CYP39A1: variants seen among roughly 807,000 people sequenced by gnomAD.
The protein encoded by CYP39A1 is 24-hydroxycholesterol 7-alpha-hydroxylase.
A neutral mutation model predicts 58.1 loss-of-function variants in CYP39A1; 49 were observed. The ratio of observed to expected loss-of-function variants is 0.84; its 90% confidence interval spans 0.67 to 1.07. CYP39A1 has a LOEUF of 1.07. Ranked by LOEUF, CYP39A1 falls within the 50% of genes least tolerant of loss-of-function variation. The pLI is 0.00. For missense variants in CYP39A1, 531 were observed against 539.4 expected (o/e 0.98, Z 0.16); for synonymous variants, 209 against 187.6 (o/e 1.11, Z -0.93).
intron 7 of CYP39A1, among the ~76,000 whole-genome samples, chr6:46,618,329 A>G (rs377363743): frequency 6.6e-6 from 1 of 152,130 alleles, no homozygotes; most frequent in Non-Finnish European, 1.5e-5. Context: ...CTGGATTTCA[A>G]CTCAGGCAGT....
intron 10 of CYP39A1, among the ~76,000 whole-genome samples, chr6:46,582,201 T>G (rs1407260539): frequency 6.6e-6 from 1 of 152,204 alleles, no homozygotes; most frequent in Non-Finnish European, 1.5e-5. Context: ...TGGAACAAAT[T>G]CCTCAGAATA....
chr6:46,586,350 A>G, intron 10 of CYP39A1: 1 of 984,542 alleles, frequency 1.0e-6, no homozygotes, highest in South Asian at 4.7e-5. Flanking sequence ...CATTTCCCCT[A>G]CAGAATCATC....
intron 1 of CYP39A1, among the ~76,000 whole-genome samples, chr6:46,651,554 T>C (rs1762690508): frequency 6.6e-6 from 1 of 152,186 alleles, no homozygotes; most frequent in African/African-American, 2.4e-5. Flanking sequence ...CTGGGTTATT[T>C]TTATTTTCAT....
intron 10 of CYP39A1, among the ~76,000 whole-genome samples, chr6:46,568,125 G>A (rs911322695): frequency 1.3e-5 from 2 of 152,050 alleles, no homozygotes; most frequent in Non-Finnish European, 2.9e-5. Context: ...GTATTTCAAT[G>A]GAGTTTTGAT....
chr6:46,650,317 C>T (rs1159887108), intron 1 of CYP39A1, among the ~76,000 whole-genome samples: 1 of 151,328 alleles, frequency 6.6e-6, no homozygotes, highest in African/African-American at 2.4e-5. Context: ...TGTGAGCCTT[C>T]CTGCATGAAG....
intron 5 of CYP39A1, among the ~76,000 whole-genome samples, chr6:46,633,736 A>G (rs574082337): frequency 2.4e-4 from 37 of 152,232 alleles, no homozygotes; most frequent in South Asian, 2.3e-3. Flanking sequence ...ATGTGCCTGT[A>G]GTCCCAGCTA....
At chr6:46,563,742 G>A (rs1771105664) in intron 10 of CYP39A1, among the ~76,000 whole-genome samples, 1 of 152,168 alleles carries the variant, frequency 6.6e-6, no homozygotes, top group East Asian at 1.9e-4. Flanking sequence ...TAGACTTGTT[G>A]AGTGAGAGCA....
intron 10 of CYP39A1, among the ~76,000 whole-genome samples, chr6:46,554,545 A>G (rs1770570896): frequency 6.6e-6 from 1 of 152,236 alleles, no homozygotes; most frequent in African/African-American, 2.4e-5. Flanking sequence ...ATACTCATTT[A>G]TTTTAAATTA....
intron 5 of CYP39A1, among the ~76,000 whole-genome samples, chr6:46,632,142 G>C (rs1314948162): frequency 6.6e-6 from 1 of 151,898 alleles, no homozygotes; most frequent in Admixed American, 6.6e-5. Flanking sequence ...CTTGAGAATA[G>C]AGCATGGCAA....
chr6:46,635,943 GAA>G (rs1424338474), intron 5 of CYP39A1, among the ~76,000 whole-genome samples: 6 of 152,142 alleles, frequency 3.9e-5, no homozygotes, highest in African/African-American at 1.4e-4. Flanking sequence ...CACAGATCTG[GAA>G]TAACGCTTAG....
At chr6:46,636,153 G>T (rs1417318122) in intron 5 of CYP39A1, among the ~76,000 whole-genome samples, 8 of 152,070 alleles carry the variant, frequency 5.3e-5, no homozygotes. Flanking sequence ...CGGAACATCG[G>T]AATTGTATTT....
At position 46,618,452 on chromosome 6, in the gene CYP39A1, C is replaced by A. The variant is rs1582412910; in HGVS notation, c.931+6966G>T. ...AAAGACTAATTTCTAGGAATTATACCCCAAAATTTGATAACAAAGCAAAAA... is the reference window on the plus strand; with the variant it reads ...AAAGACTAATTTCTAGGAATTATACACCAAAATTTGATAACAAAGCAAAAA... On this transcript the variant is annotated intron_variant, in intron 7 of 11. Coordinates refer to ENST00000275016, the MANE Select transcript of CYP39A1 (RefSeq NM_016593.5). 4.6e-5 allele frequency among the ~76,000 whole-genome samples: 7 copies of A among 151,916 alleles called. No homozygotes were observed. The Middle Eastern group carries it at 0.02, about 443-fold the overall frequency.
intron 7 of CYP39A1, among the ~76,000 whole-genome samples, chr6:46,620,514 A>G (rs1774889966): frequency 1.3e-5 from 2 of 152,172 alleles, no homozygotes; most frequent in African/African-American, 4.8e-5. Flanking sequence ...GATGAAAATG[A>G]AAGGCTAGGG....
At chr6:46,555,688 T>C (rs1770637060) in intron 10 of CYP39A1, among the ~76,000 whole-genome samples, 1 of 152,236 alleles carries the variant, frequency 6.6e-6, no homozygotes, top group South Asian at 2.1e-4. Flanking sequence ...CTATGTCTTA[T>C]CTTTAAATCA....
intron 10 of CYP39A1, among the ~76,000 whole-genome samples, chr6:46,572,971 C>G (rs1771672642): frequency 6.6e-6 from 1 of 151,786 alleles, no homozygotes; most frequent in South Asian, 2.1e-4. Context: ...TCAGTTGATT[C>G]ACTGTATTTT....
At chr6:46,573,025 T>A (rs1771676793) in intron 10 of CYP39A1, among the ~76,000 whole-genome samples, 1 of 152,074 alleles carries the variant, frequency 6.6e-6, no homozygotes, top group Non-Finnish European at 1.5e-5. Flanking sequence ...TCTTTCAATC[T>A]CTTTGCTTCA....
chr6:46,571,016 A>G (rs1582310819), intron 10 of CYP39A1, among the ~76,000 whole-genome samples: 2 of 152,100 alleles, frequency 1.3e-5, no homozygotes, highest in African/African-American at 4.8e-5. Flanking sequence ...TTTAATTTCC[A>G]TATGTTTGTG....
At chr6:46,639,927 C>A (rs1776227317) in intron 2 of CYP39A1, among the ~76,000 whole-genome samples, 2 of 152,112 alleles carry the variant, frequency 1.3e-5, no homozygotes, top group South Asian at 4.2e-4. Context: ...CCAGCCTGAC[C>A]AACATGGTGA....
chr6:46,600,870 A>T (rs1266777152), intron 7 of CYP39A1, among the ~76,000 whole-genome samples: 1 of 152,158 alleles, frequency 6.6e-6, no homozygotes, highest in Non-Finnish European at 1.5e-5. Flanking sequence ...ACAACAAATT[A>T]TCGAATCTAG....
Sources: allele counts gnomAD v4.1 joint callset (sites outside exome capture counted in the v4.1 genomes callset), GRCh38; gene constraint gnomAD v4.1.1; transcripts MANE v1.5; gene names NCBI Gene and HGNC (gene_info 2026-07-23, HGNC 2026-07-21).